N4BP2: variants seen among roughly 807,000 people sequenced by gnomAD.
The protein encoded by N4BP2 is NEDD4-binding protein 2.
Under a neutral mutation model 152.8 loss-of-function variants are expected in N4BP2, and 91 were observed. That is an observed-to-expected ratio of 0.60 (90% CI 0.50 to 0.71). N4BP2 has a LOEUF of 0.71. N4BP2 is among the 30% of genes least tolerant of loss of function. N4BP2 has a pLI of 0.00. For synonymous variants in N4BP2, 646 were observed against 705.3 expected (o/e 0.92, Z 1.33); for missense variants, 1,923 against 2,059.1 (o/e 0.93, Z 1.28).
intron 2 of N4BP2, among the ~76,000 whole-genome samples, chr4:40,086,748 T>A (rs1359157784): frequency 1.3e-5 from 2 of 151,134 alleles, no homozygotes; most frequent in Non-Finnish European, 2.9e-5. Flanking sequence ...TTTAAAAAAA[T>A]TATTTATTTA....
intron 16 of N4BP2, among the ~76,000 whole-genome samples, chr4:40,146,765 G>T (rs1426538676): frequency 5.3e-5 from 8 of 151,594 alleles, no homozygotes; most frequent in African/African-American, 1.9e-4. Flanking sequence ...TAGCTCAGCA[G>T]AATGTATTCT....
At chr4:40,189,148 C>CACAAAACAAA in the N4BP2 span, among the ~76,000 whole-genome samples, 13,596 of 149,164 alleles carry the variant, frequency 0.091, 770 homozygotes, top group East Asian at 0.28. The surrounding 1 kb of genome is among the most constrained non-coding windows in gnomAD (Gnocchi z 4.3). Context: ...CTGTCTCAAA[C>CACAAAACAAA]ACAAAACAAA....
chr4:40,061,089 A>T (rs1473155773), intron 1 of N4BP2, among the ~76,000 whole-genome samples: 2 of 151,918 alleles, frequency 1.3e-5, no homozygotes, highest in Non-Finnish European at 2.9e-5. Context: ...CCCTAGAATT[A>T]CAGGTGTGAG....
the N4BP2 span, among the ~76,000 whole-genome samples, chr4:40,173,658 C>T: frequency 7.7e-4 from 117 of 152,260 alleles, no homozygotes; most frequent in Middle Eastern, 3.4e-3. Flanking sequence ...AACAGGCTGA[C>T]AGTCAGTGGA....
chr4:40,188,932 G>A, the N4BP2 span, among the ~76,000 whole-genome samples: 1 of 151,856 alleles, frequency 6.6e-6, no homozygotes, highest in Non-Finnish European at 1.5e-5. Context: ...ATCACCTGAG[G>A]TCAGGAGTTT....
chr4:40,113,379 T>A, intron 6 of N4BP2, 53 bp from the exon 7 acceptor site: 1 of 1,296,874 alleles, frequency 7.7e-7, no homozygotes, highest in Non-Finnish European at 1.1e-6. Flanking sequence ...AACAATAATT[T>A]TAATTTCTTG....
intron 14 of N4BP2, among the ~76,000 whole-genome samples, chr4:40,137,480 G>A (rs1419839100): frequency 2.6e-5 from 4 of 152,236 alleles, no homozygotes; most frequent in Admixed American, 1.3e-4. Context: ...CAGTATGAGG[G>A]TTACAATTTC....
intron 4 of N4BP2, among the ~76,000 whole-genome samples, chr4:40,103,439 GA>G: frequency 6.6e-6 from 1 of 152,158 alleles, no homozygotes; most frequent in Admixed American, 6.5e-5. Context: ...AAAGACAGAA[GA>G]AAAAATTAAA....
intron 2 of N4BP2, among the ~76,000 whole-genome samples, chr4:40,090,624 A>G (rs1714435305): frequency 6.6e-6 from 1 of 152,076 alleles, no homozygotes; most frequent in South Asian, 2.1e-4. Context: ...TTGGTTATGT[A>G]TTGTCTTGCT....
At chr4:40,076,425 C>G (rs894433448) in intron 2 of N4BP2, among the ~76,000 whole-genome samples, 1 of 151,992 alleles carries the variant, frequency 6.6e-6, no homozygotes, top group Non-Finnish European at 1.5e-5. Context: ...GCATTGAGCT[C>G]AGATCCTGTC....
intron 2 of N4BP2, among the ~76,000 whole-genome samples, chr4:40,076,476 A>C (rs1712743080): frequency 6.6e-6 from 1 of 151,874 alleles, no homozygotes; most frequent in East Asian, 1.9e-4. Flanking sequence ...ACTTTGTGTC[A>C]AAAAAAACCC....
chr4:40,127,865 G>A (rs771173348), intron 12 of N4BP2, among the ~76,000 whole-genome samples: 1 of 152,132 alleles, frequency 6.6e-6, no homozygotes, highest in Non-Finnish European at 1.5e-5. Context: ...GTTTCACCGT[G>A]TTAGCCAGGA....
chr4:40,152,705 G>C, intron 16 of N4BP2, 75 bp from the exon 17 acceptor site: 1 of 1,523,474 alleles, frequency 6.6e-7, no homozygotes. Context: ...ATGTGCTTGA[G>C]TAGCTAAGGT....
chr4:40,147,670 C>T (rs1284910448), intron 16 of N4BP2, among the ~76,000 whole-genome samples: 1 of 150,824 alleles, frequency 6.6e-6, no homozygotes, highest in East Asian at 2.0e-4. Flanking sequence ...GGGCGGCTGG[C>T]CGGGTGGGGG....
Position 40,120,758 on chromosome 4 carries a change from G to C in N4BP2, c.2647G>C (p.Gly883Arg). ...NIDKNSFNIM[G>R]DWPSSDSLAQ... ...TGACAAAAACTCATTCAACATTATGGGTGACTGGCCTTCATCTGATTCTTT... is the reference window on the plus strand; with the variant it reads ...TGACAAAAACTCATTCAACATTATGCGTGACTGGCCTTCATCTGATTCTTT... Residue 883 changes from glycine (G) to arginine (R), a missense_variant, in exon 9 of 18, where the codon GGT (glycine) becomes CGT (arginine). Coordinates refer to ENST00000261435, the MANE Select transcript of N4BP2 (RefSeq NM_018177.6). The C allele has an allele frequency of 6.2e-7, 1 of 1,614,108 alleles. No individual in the cohort carries two copies. The highest frequency in any genetic ancestry group is 8.5e-7 in the Non-Finnish European group (1 of 1,180,004).
Position 40,122,207 on chromosome 4 carries a change from G to C in N4BP2, c.4096G>C (p.Ala1366Pro), listed in dbSNP as rs555261702. 2.1e-5 allele frequency: 34 copies of C among 1,613,860 alleles called. No individual in the cohort carries two copies. In the South Asian group the frequency reaches 3.5e-4, roughly 17 times the overall value. ...AACCGAGATATTGAATCCCACTCCA[G>C]CGATGGCCAAATCTCTGACCATAGA... ...DKTEILNPTP[A>P]MAKSLTIDCL... Residue 1366 changes from alanine to proline, a missense_variant, in exon 9 of 18, where the codon GCG (alanine) becomes CCG (proline). Transcript: ENST00000261435.
At position 40,154,216 on chromosome 4, in the gene N4BP2, C is replaced by T. The variant is rs752675302; in HGVS notation, c.5292C>T (p.Cys1764=). ...GGTTCTCTGAAATTAAACCAGGGTGCTTGAAAGTCATGCTAAAGTAAAATA... is the reference window on the plus strand; with the variant it reads ...GGTTCTCTGAAATTAAACCAGGGTGTTTGAAAGTCATGCTAAAGTAAAATA... ...SFRFSEIKPG[C]LKVMLK The change falls in exon 18 of 18, where the codon TGC becomes TGT. Residue 1764 remains cysteine (C), a synonymous_variant. Transcript: ENST00000261435. 36 of 1,600,408 alleles carry T rather than the reference C, an allele frequency of 2.2e-5. No individual in the cohort carries two copies. The highest frequency in any genetic ancestry group is 3.0e-5 in the Non-Finnish European group (35 of 1,174,354).
chr4:40,102,354 T>C lies in N4BP2; in HGVS notation c.509T>C (p.Val170Ala), dbSNP rs1715753897. ...QVYSFLPSQD[V>A]NSFNDSSEFI... Reference sequence around the variant, plus strand: ...TACTCATTTTTGCCTTCACAAGATGTTAATAGTTTTAATGACTCAAGTGAG... The same window carrying C: ...TACTCATTTTTGCCTTCACAAGATGCTAATAGTTTTAATGACTCAAGTGAG... The change falls in exon 4 of 18, where the codon GTT (valine) becomes GCT (alanine). Residue 170 changes from valine to alanine, a missense_variant. Transcript: ENST00000261435. 6.2e-7 allele frequency: 1 copy of C among 1,613,154 alleles called. No homozygotes were observed. Among genetic ancestry groups the C allele is most frequent in the Non-Finnish European group, 8.5e-7 (1 of 1,179,770 alleles).
chr4:40,113,846 C>CTT (rs1717119056), intron 7 of N4BP2, among the ~76,000 whole-genome samples: 1 of 152,178 alleles, frequency 6.6e-6, no homozygotes, highest in Non-Finnish European at 1.5e-5. Flanking sequence ...CCTGCCTCTG[C>CTT]CTCCCAAAGT....
Sources: allele counts gnomAD v4.1 joint callset (sites outside exome capture counted in the v4.1 genomes callset), GRCh38; gene constraint gnomAD v4.1.1; non-coding constraint Gnocchi (gnomAD v3.1); transcripts MANE v1.5; gene names NCBI Gene and HGNC (gene_info 2026-07-23, HGNC 2026-07-21).